The following LOXL2 variants were observed in gnomAD, a reference collection of about 807,000 sequenced individuals.
The protein encoded by LOXL2 is lysyl oxidase homolog 2.
Under a neutral mutation model 93.0 loss-of-function variants are expected in LOXL2, and 70 were observed. The observed-to-expected ratio is 0.75, with a 90% CI of 0.62 to 0.92. LOXL2 has a LOEUF of 0.92. LOXL2 is among the 40% of genes least tolerant of loss of function. The pLI, the probability that LOXL2 is intolerant of heterozygous loss-of-function variation, is 0.00. For synonymous variants in LOXL2, 438 were observed against 413.2 expected (o/e 1.06, Z -0.73); for missense variants, 973 against 1,054.9 (o/e 0.92, Z 1.08).
rs5890095 is a variant in LOXL2, at chr8:23,314,840, T to G, written c.1636+2109A>C. ...TAAATAAAACGAAAAAAGAAAAAAA[T>G]AAAAATAAAAATAAAAAAGGAGAAA... On this transcript the variant is annotated intron_variant, in intron 9 of 13. Transcript: ENST00000389131. Among the ~76,000 whole-genome samples, 88 of 116,918 alleles carry G rather than the reference T, an allele frequency of 7.5e-4. 1 individual carries two copies. In the East Asian group the frequency reaches 0.019, roughly 25 times the overall value. 76.7% of individuals were successfully genotyped at this position (116,918 alleles called of 152,430 possible).
intron 6 of LOXL2, among the ~76,000 whole-genome samples, chr8:23,323,297 G>C (rs1234781506): frequency 6.6e-6 from 1 of 152,196 alleles, no homozygotes; most frequent in Non-Finnish European, 1.5e-5. Flanking sequence ...AGACAGTCAG[G>C]AGAGAAAACC....
chr8:23,335,946 C>T (rs1438814274), intron 4 of LOXL2, among the ~76,000 whole-genome samples: 1 of 152,214 alleles, frequency 6.6e-6, no homozygotes, highest in Non-Finnish European at 1.5e-5. Context: ...CTGGCAAATT[C>T]AGGGTGCGTG....
chr8:23,329,578 T>TA (rs775096139), intron 5 of LOXL2, among the ~76,000 whole-genome samples: 10 of 152,192 alleles, frequency 6.6e-5, no homozygotes, highest in Non-Finnish European at 1.5e-4. Flanking sequence ...GCATGCTGCA[T>TA]GTATGCGTGT....
At position 23,302,322 on chromosome 8, in the gene LOXL2, C is replaced by T. The variant is rs568223381; in HGVS notation, c.1997-159G>A. 5.9e-5 allele frequency among the ~76,000 whole-genome samples: 9 copies of T among 152,232 alleles called. No homozygotes were observed. The South Asian group carries it at 1.7e-3, about 28-fold the overall frequency. ...CTGTTCTCATTTCAGTAGAACCCCC[C>T]ACTCAATTCCCTACCCACATCCTGC... On this transcript the variant is annotated intron_variant, in intron 11 of 13. Transcript: ENST00000389131.
intron 3 of LOXL2, among the ~76,000 whole-genome samples, chr8:23,343,269 T>C (rs949926806): frequency 2.6e-5 from 4 of 152,218 alleles, no homozygotes; most frequent in Non-Finnish European, 4.4e-5. Context: ...TACCCAGCCC[T>C]ATGTCAAGTG....
Position 23,297,940 on chromosome 8 carries a change from C to T in LOXL2, c.*103G>A, listed in dbSNP as rs1026206030. The T allele has an allele frequency of 7.5e-6, 7 of 929,306 alleles. No homozygotes were observed. In the Admixed American group the frequency reaches 1.0e-4, roughly 13 times the overall value. 57.6% of individuals were successfully genotyped at this position (929,306 alleles called of 1,614,324 possible). ...GGGTCTGGACAGGGTGGGGGCCGGGCTGGGTGAGGGCACGTGGCATTCGTT... is the reference window on the plus strand; with the variant it reads ...GGGTCTGGACAGGGTGGGGGCCGGGTTGGGTGAGGGCACGTGGCATTCGTT... On this transcript the variant is annotated 3_prime_UTR_variant, in exon 14 of 14. Coordinates refer to ENST00000389131, the MANE Select transcript of LOXL2 (RefSeq NM_002318.3).
At chr8:23,304,420 C>T (rs3808526) in intron 10 of LOXL2, among the ~76,000 whole-genome samples, 75,375 of 152,060 alleles carry the variant, frequency 0.5, 19,197 homozygotes, top group East Asian at 0.84. Context: ...TGTCTTAGCC[C>T]GATCCCAACC....
rs767217647 is a variant in LOXL2, at chr8:23,301,989, C to T, written c.2133+38G>A. On this transcript the variant is annotated intron_variant, in intron 12 of 13. Coordinates refer to ENST00000389131, the MANE Select transcript of LOXL2 (RefSeq NM_002318.3). ...GCCTGTGGAGGTGGCCTCCCCTCCT[C>T]CCCCTGCAGGGCTGGAACCCCTTCC... The T allele has an allele frequency of 4.3e-6, 7 of 1,611,544 alleles. No individual in the cohort carries two copies. The Admixed American group carries it at 6.7e-5, about 15-fold the overall frequency.
intron 11 of LOXL2, among the ~76,000 whole-genome samples, chr8:23,303,025 G>A (rs1315099703): frequency 6.6e-6 from 1 of 152,090 alleles, no homozygotes. Flanking sequence ...CCCAGAGTCT[G>A]GATCTTGTCC....
rs1803878996 is a variant in LOXL2, at chr8:23,341,275, A to G, written c.532-72T>C. ...GCTGCAGAGACACCAGGCAACCAGT[A>G]CTTCTTTAGCGACTATGGGCCAGGC... On this transcript the variant is annotated intron_variant, in intron 3 of 13. Transcript: ENST00000389131. 8.6e-6 allele frequency: 11 copies of G among 1,274,240 alleles called. No homozygotes were observed. In the South Asian group the frequency reaches 1.1e-4, roughly 13 times the overall value. The allele number at this position is 1,274,240 out of a possible 1,614,324, so 78.9% of individuals were successfully genotyped here. A position where few individuals can be genotyped will look rare whatever the true frequency, so the allele number is the denominator to read the frequency against.
chr8:23,300,765 C>T (rs1369662541), intron 12 of LOXL2, among the ~76,000 whole-genome samples: 1 of 152,152 alleles, frequency 6.6e-6, no homozygotes, highest in African/African-American at 2.4e-5. Context: ...AATGCATTCC[C>T]CAGGCTTAGG....
intron 1 of LOXL2, among the ~76,000 whole-genome samples, chr8:23,397,337 A>T (rs1431358855): frequency 6.6e-6 from 1 of 152,138 alleles, no homozygotes; most frequent in Non-Finnish European, 1.5e-5. Flanking sequence ...TACACTTGAA[A>T]ATAGTTAAGA....
chr8:23,329,596 T>C (rs1290673995), intron 5 of LOXL2, among the ~76,000 whole-genome samples: 1 of 152,164 alleles, frequency 6.6e-6, no homozygotes, highest in African/African-American at 2.4e-5. Context: ...TGTGTGTGTT[T>C]TGGAGGAGGC....
At chr8:23,300,949 GTCTGTGGT>G (rs1228687876) in intron 12 of LOXL2, among the ~76,000 whole-genome samples, 1 of 152,198 alleles carries the variant, frequency 6.6e-6, no homozygotes, top group African/African-American at 2.4e-5. Flanking sequence ...GCCTCTCCAA[GTCTGTGGT>G]TCTGGGCTTG....
intron 3 of LOXL2, among the ~76,000 whole-genome samples, chr8:23,342,495 G>T (rs903139089): frequency 2.0e-5 from 3 of 150,370 alleles, no homozygotes; most frequent in Admixed American, 6.6e-5. Flanking sequence ...ACAGTGGCGC[G>T]ATCTCGGCTC....
chr8:23,297,724 T>A lies in LOXL2; in HGVS notation c.*319A>T. ...TGTGTCTGTGGTGAGCTCGGTGGCT[T>A]GAATGGGACAAGCTGATGACAACCT... On this transcript the variant is annotated 3_prime_UTR_variant, in exon 14 of 14. Transcript: ENST00000389131. The A allele has an allele frequency of 4.7e-6, 1 of 212,330 alleles. No homozygotes were observed. Among genetic ancestry groups the A allele is most frequent in the Non-Finnish European group, 9.1e-6 (1 of 109,582 alleles). The allele number at this position is 212,330 out of a possible 1,614,324, so 13.2% of individuals were successfully genotyped here.
At chr8:23,352,284 C>G (rs1408624814) in intron 3 of LOXL2, among the ~76,000 whole-genome samples, 1 of 152,206 alleles carries the variant, frequency 6.6e-6, no homozygotes, top group African/African-American at 2.4e-5. Context: ...CAAACTACCC[C>G]CTGGCTACCA....
chr8:23,315,310 A>AT (rs1803378125), intron 9 of LOXL2, among the ~76,000 whole-genome samples: 1 of 152,138 alleles, frequency 6.6e-6, no homozygotes, highest in East Asian at 1.9e-4. Flanking sequence ...GTGGGGTGAG[A>AT]ATAAGATATT....
chr8:23,402,997 T>C (rs1321282996), intron 1 of LOXL2, among the ~76,000 whole-genome samples: 2 of 152,110 alleles, frequency 1.3e-5, no homozygotes, highest in Middle Eastern at 3.4e-3. Flanking sequence ...CGGCTGTTTT[T>C]TGATGGTCTT....
Sources: gnomAD v4.1 joint callset for allele counts (sites outside exome capture counted in the v4.1 genomes callset) on GRCh38, gnomAD v4.1.1 for gene constraint, MANE v1.5 for transcripts, NCBI Gene and HGNC (gene_info 2026-07-23, HGNC 2026-07-21) for gene names.